DCAF8L2: variants seen among roughly 807,000 people sequenced by gnomAD.
The protein encoded by DCAF8L2 is DDB1- and CUL4-associated factor 8-like protein 2.
For synonymous variants in DCAF8L2, 200 were observed against 190.9 expected, an observed-to-expected ratio of 1.05 and a Z score of -0.39; for missense variants, 430 against 490.7, an observed-to-expected ratio of 0.88 and a Z score of 1.17.
At chrX:27,674,907 A>G (rs1930089366) in intron 2 of DCAF8L2, among the ~76,000 whole-genome samples, 1 of 111,614 alleles carries the variant, frequency 9.0e-6, no homozygotes, top group Non-Finnish European at 1.9e-5. Context: ...CTGCTTTTTA[A>G]GAGTAAGCTG....
At chrX:27,591,080 G>A (rs1190848344) in intron 1 of DCAF8L2, among the ~76,000 whole-genome samples, 1 of 102,985 alleles carries the variant, frequency 9.7e-6, no homozygotes, top group Non-Finnish European at 2.0e-5. Flanking sequence ...CATACCAGTA[G>A]GACTATATTT....
At chrX:27,616,770 T>A (rs1293400119) in intron 1 of DCAF8L2, among the ~76,000 whole-genome samples, 1 of 111,136 alleles carries the variant, frequency 9.0e-6, no homozygotes, top group Non-Finnish European at 1.9e-5. Flanking sequence ...TGGGGGTAAT[T>A]GTCCTAGGGA....
At chrX:27,664,635 A>G (rs1217150310) in intron 2 of DCAF8L2, among the ~76,000 whole-genome samples, 2 of 112,291 alleles carry the variant, frequency 1.8e-5, no homozygotes, top group Non-Finnish European at 3.8e-5. Context: ...CGTCTAGGAC[A>G]TTGATAGCCA....
the DCAF8L2 span, among the ~76,000 whole-genome samples, chrX:27,492,335 A>G: frequency 8.9e-6 from 1 of 112,121 alleles, no homozygotes; most frequent in South Asian, 3.6e-4. Context: ...AGTTGTTTAC[A>G]ACTTTTGACT....
At chrX:27,738,964 C>T (rs976544485) in intron 4 of DCAF8L2, among the ~76,000 whole-genome samples, 7 of 111,164 alleles carry the variant, frequency 6.3e-5, no homozygotes, top group African/African-American at 2.3e-4. Context: ...TGCTACAACC[C>T]CTCCACCTGT....
intron 1 of DCAF8L2, among the ~76,000 whole-genome samples, chrX:27,593,839 G>A (rs1434646480): frequency 9.0e-6 from 1 of 111,539 alleles, no homozygotes; most frequent in South Asian, 3.8e-4. Flanking sequence ...CAGAACCCTG[G>A]GCTCCATCAC....
intron 2 of DCAF8L2, among the ~76,000 whole-genome samples, chrX:27,670,157 G>A (rs189591527): frequency 2.2e-4 from 20 of 91,321 alleles, no homozygotes; most frequent in African/African-American, 7.1e-4. Context: ...TACTTCCTGA[G>A]TTTTGTTTGG....
At chrX:27,655,424 A>T (rs1929315308) in intron 2 of DCAF8L2, among the ~76,000 whole-genome samples, 1 of 112,175 alleles carries the variant, frequency 8.9e-6, no homozygotes, top group Non-Finnish European at 1.9e-5. Context: ...TCGACATAAA[A>T]AGCTCTTGCT....
At chrX:27,523,774 C>A in the DCAF8L2 span, among the ~76,000 whole-genome samples, 3 of 109,724 alleles carry the variant, frequency 2.7e-5, no homozygotes, top group South Asian at 4.0e-4. Flanking sequence ...CCCGTCCCCC[C>A]ACCCCACAAC....
the DCAF8L2 span, among the ~76,000 whole-genome samples, chrX:27,487,385 G>A: frequency 9.0e-5 from 10 of 111,686 alleles, no homozygotes; most frequent in African/African-American, 2.9e-4. Flanking sequence ...GGGTTCAAGC[G>A]GTTCTCCTGC....
At chrX:27,700,796 C>T (rs1448928976) in intron 3 of DCAF8L2, among the ~76,000 whole-genome samples, 4 of 111,053 alleles carry the variant, frequency 3.6e-5, no homozygotes, top group Non-Finnish European at 7.6e-5. Context: ...CATTGCCAAA[C>T]GTTCTGCAAC....
intron 4 of DCAF8L2, among the ~76,000 whole-genome samples, chrX:27,725,812 C>T (rs772969036): frequency 1.1e-4 from 12 of 109,655 alleles, no homozygotes; most frequent in African/African-American, 3.3e-4. Flanking sequence ...AACAAGAAAT[C>T]GGTTGCTCAT....
At chrX:27,590,994 TATA>T (rs1926052920) in intron 1 of DCAF8L2, among the ~76,000 whole-genome samples, 2 of 53,536 alleles carry the variant, frequency 3.7e-5, no homozygotes, top group East Asian at 8.8e-4. Context: ...TTACATTTTA[TATA>T]TATATATATA....
chrX:27,691,293 A>C (rs2147254820), intron 3 of DCAF8L2, among the ~76,000 whole-genome samples: 1 of 111,647 alleles, frequency 9.0e-6, no homozygotes, highest in Admixed American at 9.6e-5. Flanking sequence ...ATTTCTGAAA[A>C]GTTGTTTTAA....
rs775244144 is a variant in DCAF8L2, at chrX:27,733,179, C to G, written c.-58-13659C>G. Among the ~76,000 whole-genome samples, 20 of 111,365 alleles carry G rather than the reference C, an allele frequency of 1.8e-4. No individual in the cohort carries two copies. The South Asian group carries it at 7.6e-3, about 43-fold the overall frequency. Reference sequence around the variant, plus strand: ...GCCATGGTTTCCCTTTTATCCATACCCTCAACAACACTTGTTATCTCTTGT... The same window carrying G: ...GCCATGGTTTCCCTTTTATCCATACGCTCAACAACACTTGTTATCTCTTGT... On this transcript the variant is annotated intron_variant, in intron 4 of 4. Coordinates refer to ENST00000451261, the MANE Select transcript of DCAF8L2 (RefSeq NM_001353450.2).
intron 2 of DCAF8L2, among the ~76,000 whole-genome samples, chrX:27,660,662 T>C (rs991515556): frequency 8.9e-6 from 1 of 111,950 alleles, no homozygotes; most frequent in African/African-American, 3.3e-5. Context: ...GATGGAGGGA[T>C]TGGGCCTTGG....
upstream of DCAF8L2, among the ~76,000 whole-genome samples, chrX:27,587,985 A>AATATATATATATATATATATATATAT (rs202098791): frequency 4.5e-5 from 1 of 22,365 alleles, no homozygotes; most frequent in African/African-American, 9.8e-5. Context: ...TAAAAAAAAA[A>AATATATATATATATATATATATATAT]ATATATATAT....
At chrX:27,538,686 C>T in the DCAF8L2 span, among the ~76,000 whole-genome samples, 2 of 110,889 alleles carry the variant, frequency 1.8e-5, no homozygotes, top group East Asian at 2.9e-4. Flanking sequence ...GCACCGTGCC[C>T]GGCCCAAAAA....
At chrX:27,549,042 T>C in the DCAF8L2 span, among the ~76,000 whole-genome samples, 2 of 112,039 alleles carry the variant, frequency 1.8e-5, no homozygotes, top group African/African-American at 6.5e-5. Flanking sequence ...ATTTGCAGTA[T>C]AGAAAGTGTT....
Sources: allele counts gnomAD v4.1 joint callset (sites outside exome capture counted in the v4.1 genomes callset), GRCh38; gene constraint gnomAD v4.1.1; transcripts MANE v1.5; gene names NCBI Gene and HGNC (gene_info 2026-07-23, HGNC 2026-07-21).